Variants in BLM observed in about 807,000 individuals in gnomAD.
BLM encodes recQ-like DNA helicase BLM.
Under a neutral mutation model 135.3 loss-of-function variants are expected in BLM, and 95 were observed. That is an observed-to-expected ratio of 0.70 (90% CI 0.59 to 0.83). The LOEUF (loss-of-function observed/expected upper bound fraction) is 0.83. BLM is among the 40% of genes least tolerant of loss of function. The pLI, the probability that BLM is intolerant of heterozygous loss-of-function variation, is 0.00. For missense variants in BLM, 1,518 were observed against 1,663.9 expected (o/e 0.91, Z 1.53); for synonymous variants, 520 against 589.2 (o/e 0.88, Z 1.70).
At chr15:90,730,925 G>A (rs1895051921) in intron 1 of BLM, among the ~76,000 whole-genome samples, 1 of 151,834 alleles carries the variant, frequency 6.6e-6, no homozygotes, top group Non-Finnish European at 1.5e-5. Context: ...ACACAACTTG[G>A]TCTCGGTATT....
At chr15:90,807,794 A>G (rs1429327637) in intron 19 of BLM, among the ~76,000 whole-genome samples, 1 of 152,254 alleles carries the variant, frequency 6.6e-6, no homozygotes, top group Non-Finnish European at 1.5e-5. Context: ...TAATCACAGT[A>G]TAGTCTTTTT....
chr15:90,773,511 CTTTT>C (rs55678339), intron 12 of BLM, among the ~76,000 whole-genome samples: 40 of 100,838 alleles, frequency 4.0e-4, no homozygotes, highest in South Asian at 1.7e-3. Context: ...CTTCAATGGC[CTTTT>C]TTTTTTTTTT....
intron 5 of BLM, among the ~76,000 whole-genome samples, chr15:90,757,941 G>T (rs1443167920): frequency 1.3e-5 from 2 of 150,864 alleles, no homozygotes; most frequent in Non-Finnish European, 2.9e-5. Context: ...AAGTGCACTG[G>T]CGCAATCTCT....
chr15:90,762,821 GT>G, intron 7 of BLM, 144 bp from the exon 8 acceptor site: 1 of 793,770 alleles, frequency 1.3e-6, no homozygotes, highest in Non-Finnish European at 1.9e-6. Context: ...TTTGAGACTT[GT>G]AGGGAAGGAA....
chr15:90,724,882 C>T (rs1171234596), intron 1 of BLM, among the ~76,000 whole-genome samples: 3 of 152,078 alleles, frequency 2.0e-5, no homozygotes, highest in Admixed American at 6.6e-5. Flanking sequence ...TAAGTCACTC[C>T]CCAGCCCCTT....
intron 1 of BLM, among the ~76,000 whole-genome samples, chr15:90,745,590 C>G (rs1895479452): frequency 6.6e-6 from 1 of 151,934 alleles, no homozygotes; most frequent in Admixed American, 6.6e-5. Flanking sequence ...TTTTATAGTT[C>G]TTTAGAGACA....
At chr15:90,765,227 T>C in intron 8 of BLM, 69 bp from the exon 9 acceptor site, 8 of 1,277,598 alleles carry the variant, frequency 6.3e-6, no homozygotes, top group Non-Finnish European at 8.0e-6. Context: ...ATATGATTTC[T>C]TTTGTAACTT....
At chr15:90,731,435 A>T (rs912506287) in intron 1 of BLM, among the ~76,000 whole-genome samples, 2 of 152,144 alleles carry the variant, frequency 1.3e-5, no homozygotes, top group African/African-American at 4.8e-5. Context: ...GGAATCGTTT[A>T]TGTAAAACTG....
intron 17 of BLM, among the ~76,000 whole-genome samples, chr15:90,798,936 T>G (rs1057271861): frequency 6.6e-6 from 1 of 151,504 alleles, no homozygotes; most frequent in Non-Finnish European, 1.5e-5. Flanking sequence ...TGAGCTGAGA[T>G]CGCACCATTG....
chr15:90,730,616 T>A (rs1363261514), intron 1 of BLM, among the ~76,000 whole-genome samples: 1 of 151,820 alleles, frequency 6.6e-6, no homozygotes, highest in Non-Finnish European at 1.5e-5. Context: ...CCCAGCTAAT[T>A]TTTGTATTTT....
At chr15:90,799,877 A>C (rs963820672) in intron 17 of BLM, among the ~76,000 whole-genome samples, 8 of 152,142 alleles carry the variant, frequency 5.3e-5, no homozygotes, top group Non-Finnish European at 1.0e-4. Flanking sequence ...ATACCATCTT[A>C]ATAGAGGAAG....
At chr15:90,807,014 G>A (rs564324001) in intron 19 of BLM, among the ~76,000 whole-genome samples, 19 of 152,206 alleles carry the variant, frequency 1.2e-4, no homozygotes, top group Admixed American at 3.9e-4. Context: ...TCAAATTACC[G>A]TAGGTACTTA....
At position 90,803,735 on chromosome 15, in the gene BLM, A is replaced by T; in HGVS notation, c.3558+15A>T. The T allele has an allele frequency of 6.2e-7, 1 of 1,612,378 alleles. No homozygotes were observed. Among genetic ancestry groups the T allele is most frequent in the Non-Finnish European group, 8.5e-7 (1 of 1,178,542 alleles). ...GCAATTTAAAGGTATAGTATTTTTC[A>T]TGTTTATTTTATTATCTCACAATGA... On this transcript the variant is annotated intron_variant, in intron 18 of 21. Transcript: ENST00000355112.
chr15:90,791,682 A>T (rs1896909580), intron 15 of BLM, among the ~76,000 whole-genome samples: 1 of 151,842 alleles, frequency 6.6e-6, no homozygotes, highest in Admixed American at 6.6e-5. Context: ...TCTGTCACCC[A>T]GGCTGCAGTG....
Position 90,766,974 on chromosome 15 carries a change from T to A in BLM, c.2258T>A (p.Leu753Ter), listed in dbSNP as rs1400231534. 1 of 1,604,634 alleles carries A rather than the reference T, an allele frequency of 6.2e-7. No homozygotes were observed. The highest frequency in any genetic ancestry group is 1.7e-5 in the Admixed American group (1 of 59,806). ...DSEATNIYLQ[L>*]SKKDPIIKLL... Reference sequence around the variant, plus strand: ...GAAGCTACAAATATTTACCTCCAGTTATCAAAAAAAGACCCAATCATAAAA... The same window carrying A: ...GAAGCTACAAATATTTACCTCCAGTAATCAAAAAAAGACCCAATCATAAAA... The change falls in exon 10 of 22, where the codon TTA (leucine) becomes TAA (stop). Residue 753 changes from leucine to a stop codon, truncating the protein, a stop_gained. Transcript: ENST00000355112. LOFTEE classifies it high-confidence loss of function.
In BLM at chr15:90,760,571, G is replaced by A. The variant is rs780982684; in HGVS notation, c.1221-23G>A. On this transcript the variant is annotated intron_variant, in intron 6 of 21. Transcript: ENST00000355112. ...AGAGTAAACTACTTATATTTAATAC[G>A]TTGTTCTCTTTTCTCTCTTCAGAAG... The A allele has an allele frequency of 7.5e-6, 12 of 1,594,720 alleles. No individual in the cohort carries two copies. In the East Asian group the frequency reaches 1.3e-4, roughly 18 times the overall value.
In BLM at chr15:90,760,806, G is replaced by C. The variant is rs759810567; in HGVS notation, c.1433G>C (p.Gly478Ala). The C allele has an allele frequency of 2.1e-5, 34 of 1,613,864 alleles. No homozygotes were observed. Among genetic ancestry groups the C allele is most frequent in the Middle Eastern group, 3.3e-4 (2 of 6,084 alleles). Residue 478 changes from glycine to alanine, a missense_variant, in exon 7 of 22, where the codon GGA becomes GCA. Physicochemically the swap from Gly to Ala is moderately conservative, Grantham distance 60 (BLOSUM62 0). This residue lies in a region of BLM where 724 missense variants were observed against 756.9 expected (regional missense o/e 0.96). Transcript: ENST00000355112. ...CLLTTTLGKT[G>A]FSATRKNLFE... Reference sequence around the variant, plus strand: ...CTGACTACCACCCTAGGAAAGACAGGATTCTCTGCCACCAGGAAGAATCTT... The same window carrying C: ...CTGACTACCACCCTAGGAAAGACAGCATTCTCTGCCACCAGGAAGAATCTT...
rs568816868 is a variant in BLM at position 90,804,150 on chromosome 15, G to A, written c.3559-17G>A. The A allele has an allele frequency of 6.2e-6, 10 of 1,608,822 alleles. No homozygotes were observed. In the South Asian group the frequency reaches 9.9e-5, roughly 16 times the overall value. The stretch of plus-strand genomic sequence containing the variant: ...GCACATATACCCACTCCTATGATTT[G>A]TTTCTCTCTCATAAAGGTAGACTTT... On this transcript the variant is annotated splice_polypyrimidine_tract_variant and intron_variant, in intron 18 of 21. Transcript: ENST00000355112.
Position 90,769,474 on chromosome 15 carries a change from A to C in BLM, c.2443A>C (p.Asn815His). Reference sequence around the variant, plus strand: ...TTTTCGTCAAGATTACAAAAGAATGAATATGCTTCGCCAGAAGTTTCCTTC... The same window carrying C: ...TTTTCGTCAAGATTACAAAAGAATGCATATGCTTCGCCAGAAGTTTCCTTC... The part of the protein sequence containing the change: ...HDFRQDYKRM[N>H]MLRQKFPSVP... The change falls in exon 12 of 22, where the codon AAT becomes CAT. Residue 815 changes from asparagine (N) to histidine (H), a missense_variant. This residue lies in a region of BLM where 626 missense variants were observed against 681.1 expected (regional missense o/e 0.92). Coordinates refer to ENST00000355112, the MANE Select transcript of BLM (RefSeq NM_000057.4). 1 of 1,614,182 alleles carries C rather than the reference A, an allele frequency of 6.2e-7. No homozygotes were observed. The highest frequency in any genetic ancestry group is 1.1e-5 in the South Asian group (1 of 91,082).
Sources: gnomAD v4.1 joint callset for allele counts (sites outside exome capture counted in the v4.1 genomes callset) on GRCh38, gnomAD v4.1.1 for gene constraint, gnomAD v4.1.1 regional missense constraint, MANE v1.5 for transcripts, NCBI Gene and HGNC (gene_info 2026-07-23, HGNC 2026-07-21) for gene names.